The following PKP1 variants were observed in gnomAD, a reference collection of about 807,000 sequenced individuals.
PKP1 encodes the protein plakophilin-1.
Under a neutral mutation model 76.4 loss-of-function variants are expected in PKP1, and 27 were observed. That is an observed-to-expected ratio of 0.35 (90% CI 0.26 to 0.49). The LOEUF (loss-of-function observed/expected upper bound fraction) is 0.49, where lower values mean the gene tolerates loss of function less well. PKP1 is among the 20% of genes least tolerant of loss of function. The pLI is 0.99. For synonymous variants in PKP1, 404 were observed against 384.2 expected (o/e 1.05, Z -0.60); for missense variants, 964 against 955.2 (o/e 1.01, Z -0.12).
intron 2 of PKP1, among the ~76,000 whole-genome samples, chr1:201,299,479 G>A (rs1400825271): frequency 1.3e-5 from 2 of 152,172 alleles, no homozygotes; most frequent in African/African-American, 4.8e-5. Context: ...ATGGAGCAAG[G>A]CAATTGGACT....
intron 2 of PKP1, among the ~76,000 whole-genome samples, chr1:201,307,566 C>T (rs1163966997): frequency 6.6e-6 from 1 of 152,194 alleles, no homozygotes; most frequent in Admixed American, 6.5e-5. Flanking sequence ...GCTCTCCAAA[C>T]CCCTAGAGAG....
Position 201,317,795 on chromosome 1 carries a change from C to A in PKP1, c.1054+16C>A. The A allele has an allele frequency of 6.2e-7, 1 of 1,609,256 alleles. No homozygotes were observed. Among genetic ancestry groups the A allele is most frequent in the Non-Finnish European group, 8.5e-7 (1 of 1,178,140 alleles). On this transcript the variant is annotated intron_variant, in intron 5 of 13. Coordinates refer to ENST00000367324, the MANE Select transcript of PKP1 (RefSeq NM_001005337.3). ...CAGCTGACTGGTAGGACAACACGGC[C>A]ACCGAGAGCCAGCCTGAGGGCTGTG... is the stretch of plus-strand genomic sequence containing the variant.
intron 1 of PKP1, among the ~76,000 whole-genome samples, chr1:201,287,545 T>C (rs1655776916): frequency 6.6e-6 from 1 of 152,238 alleles, no homozygotes; most frequent in Admixed American, 6.5e-5. Flanking sequence ...TTTAGCTTGT[T>C]CCATTGGCGA....
chr1:201,324,712 C>A, intron 10 of PKP1, 131 bp downstream of exon 10: 1 of 1,236,752 alleles, frequency 8.1e-7, no homozygotes, highest in Non-Finnish European at 1.2e-6. Flanking sequence ...TGGCCAAAGA[C>A]AGGTATGGAG....
At position 201,325,077 on chromosome 1, in the gene PKP1, G is replaced by C; in HGVS notation, c.1971G>C (p.Gln657His). ...LMASQPQLAK[Q>H]YFSSSMLNNI... ...CCTCGCAGCCACAACTGGCCAAGCA[G>C]TACTTCTCCAGCAGCATGCTCAACA... is the stretch of plus-strand genomic sequence containing the variant. Residue 657 changes from glutamine to histidine, a missense_variant, in exon 11 of 14, where the codon CAG (glutamine) becomes CAC (histidine). Transcript: ENST00000367324. 2 of 1,614,056 alleles carry C rather than the reference G, an allele frequency of 1.2e-6. No individual in the cohort carries two copies. The highest frequency in any genetic ancestry group is 1.7e-6 in the Non-Finnish European group (2 of 1,180,048).
Position 201,283,622 on chromosome 1 carries a change from C to A in PKP1, c.-81C>A. The A allele has an allele frequency of 7.8e-7, 1 of 1,275,624 alleles. No homozygotes were observed. The highest frequency in any genetic ancestry group is 1.1e-6 in the Non-Finnish European group (1 of 896,914). The allele number at this position is 1,275,624 out of a possible 1,614,324, so 79.0% of individuals were successfully genotyped here. On this transcript the variant is annotated 5_prime_UTR_variant, in exon 1 of 14. In the 5' UTR this introduces an upstream ATG that the reference lacks. Coordinates refer to ENST00000367324, the MANE Select transcript of PKP1 (RefSeq NM_001005337.3). ...CGCTGAGAGCGAGAAGAGCACGCTC[C>A]TGCCCGCCCGCTGCACCGCACCTCG... is the stretch of plus-strand genomic sequence containing the variant.
At chr1:201,328,571 C>T (rs1025895585) in intron 12 of PKP1, 191 bp from the exon 13 acceptor site, 41 of 645,084 alleles carry the variant, frequency 6.4e-5, no homozygotes, top group South Asian at 1.7e-4. Context: ...CACATTGCAC[C>T]GACTCATGGA....
At chr1:201,310,216 C>T (rs1407645124) in intron 2 of PKP1, among the ~76,000 whole-genome samples, 4 of 152,210 alleles carry the variant, frequency 2.6e-5, no homozygotes, top group Non-Finnish European at 2.9e-5. Context: ...ATGTCCCTAC[C>T]GAGCAAACAC....
At chr1:201,318,502 T>C in intron 5 of PKP1, 116 bp from the exon 6 acceptor site, 1 of 872,414 alleles carries the variant, frequency 1.1e-6, no homozygotes, top group Non-Finnish European at 1.9e-6. Context: ...CAGGGCTACC[T>C]GGAAAGCGAC....
Position 201,283,674 on chromosome 1 carries a change from C to T in PKP1, c.-29C>T, listed in dbSNP as rs779146021. 5.6e-6 allele frequency: 9 copies of T among 1,602,710 alleles called. No individual in the cohort carries two copies. Among genetic ancestry groups the T allele is most frequent in the East Asian group, 2.3e-5 (1 of 44,130 alleles). ...CTCGCCTCTCTGCTCTCCTAGGCCC[C>T]GGCCGCGCGCCACCCGCCTCCCGCC... On this transcript the variant is annotated 5_prime_UTR_variant, in exon 1 of 14. Coordinates refer to ENST00000367324, the MANE Select transcript of PKP1 (RefSeq NM_001005337.3).
intron 2 of PKP1, among the ~76,000 whole-genome samples, chr1:201,304,819 G>A (rs2102164980): frequency 6.6e-6 from 1 of 152,314 alleles, no homozygotes; most frequent in African/African-American, 2.4e-5. Flanking sequence ...CTGAGTCCTG[G>A]CTTAGGGTCT....
Position 201,330,631 on chromosome 1 carries a change from G to A in PKP1, c.*590G>A, listed in dbSNP as rs1400120807. The A allele has an allele frequency of 6.6e-6, 1 of 152,268 alleles. No homozygotes were observed. The highest frequency in any genetic ancestry group is 1.5e-5 in the Non-Finnish European group (1 of 68,070). 9.4% of individuals were successfully genotyped at this position (152,268 alleles called of 1,614,324 possible). A position where few individuals can be genotyped will look rare whatever the true frequency, so the allele number is the denominator to read the frequency against. ...ACCAGTGGTCTCCAGGGGTGCAGGAGTAACTGGGGCTGGGCCAGCCTCCCC... is the reference window on the plus strand; with the variant it reads ...ACCAGTGGTCTCCAGGGGTGCAGGAATAACTGGGGCTGGGCCAGCCTCCCC... On this transcript the variant is annotated 3_prime_UTR_variant, in exon 14 of 14. Transcript: ENST00000367324.
chr1:201,286,722 T>A (rs975630915), intron 1 of PKP1, among the ~76,000 whole-genome samples: 1 of 152,122 alleles, frequency 6.6e-6, no homozygotes, highest in Non-Finnish European at 1.5e-5. Context: ...GAAGTATTGC[T>A]CCCCTGTGTT....
At chr1:201,327,531 C>T (rs1446603498) in intron 12 of PKP1, among the ~76,000 whole-genome samples, 4 of 152,144 alleles carry the variant, frequency 2.6e-5, no homozygotes, top group South Asian at 2.1e-4. Context: ...GACGAGGAGG[C>T]AGGTAAGGAG....
intron 1 of PKP1, among the ~76,000 whole-genome samples, chr1:201,291,408 G>C (rs115231827): frequency 6.6e-6 from 1 of 152,342 alleles, no homozygotes; most frequent in African/African-American, 2.4e-5. Context: ...CCATGTGTCT[G>C]TGTGTCCACT....
chr1:201,324,920 C>T (rs1314455870), intron 10 of PKP1, 21 bp from the exon 11 acceptor site: 25 of 1,610,916 alleles, frequency 1.6e-5, no homozygotes, highest in Non-Finnish European at 2.0e-5. Context: ...GACCCTGTGC[C>T]CCAACTCGTT....
At chr1:201,290,519 A>G (rs1655882106) in intron 1 of PKP1, among the ~76,000 whole-genome samples, 6 of 152,056 alleles carry the variant, frequency 3.9e-5, no homozygotes, top group Admixed American at 3.9e-4. Flanking sequence ...CTCCTCAAGG[A>G]GGTGGCCTTG....
Position 201,330,897 on chromosome 1 carries a change from C to T in PKP1, c.*856C>T, listed in dbSNP as rs1104755. On this transcript the variant is annotated 3_prime_UTR_variant, in exon 14 of 14. Coordinates refer to ENST00000367324, the MANE Select transcript of PKP1 (RefSeq NM_001005337.3). ...GTGTGCCCATCAGAGCAGGCTCAGC[C>T]TGCAAAGGCCCTGCATTCAGAGGTC... is the stretch of plus-strand genomic sequence containing the variant. 22,393 of 152,294 alleles carry T rather than the reference C, an allele frequency of 0.15. 2,099 individuals carry two copies. Among genetic ancestry groups the T allele is most frequent in the African/African-American group, 0.26 (10,884 of 41,516 alleles). The allele number at this position is 152,294 out of a possible 1,614,324, so 9.4% of individuals were successfully genotyped here.
chr1:201,316,694 A>C lies in PKP1; in HGVS notation c.843A>C (p.Gln281His). The change falls in exon 4 of 14, where the codon CAA becomes CAC. Residue 281 changes from glutamine (Q) to histidine (H), a missense_variant. Transcript: ENST00000367324. The part of the protein sequence containing the change: ...HTCFQDESAK[Q>H]QVYQLGGICK... The stretch of plus-strand genomic sequence containing the variant: ...GCTTCCAGGATGAATCTGCCAAGCA[A>C]CAGGTAGCTGGTTGCATACCTTCCT... 1 of 1,613,750 alleles carries C rather than the reference A, an allele frequency of 6.2e-7. No individual in the cohort carries two copies. Among genetic ancestry groups the C allele is most frequent in the African/African-American group, 1.3e-5 (1 of 75,052 alleles).
Sources: allele counts gnomAD v4.1 joint callset (sites outside exome capture counted in the v4.1 genomes callset), GRCh38; gene constraint gnomAD v4.1.1; transcripts MANE v1.5; gene names NCBI Gene and HGNC (gene_info 2026-07-23, HGNC 2026-07-21).